The following SYNE2 variants were observed in gnomAD, a reference collection of about 807,000 sequenced individuals.
SYNE2 encodes spectrin repeat containing nuclear envelope protein 2.
SYNE2 carries 431 observed loss-of-function variants against 856.3 expected under a neutral mutation model. The observed-to-expected ratio is 0.50, with a 90% CI of 0.47 to 0.55. The LOEUF (loss-of-function observed/expected upper bound fraction) is 0.55, where lower values mean the gene tolerates loss of function less well. Among genes scored for constraint, SYNE2 ranks in the 20% least tolerant of loss-of-function variants. The probability of loss-of-function intolerance (pLI) is 0.00; values close to 1 mark genes in which losing one functional copy is unlikely to be tolerated. For missense variants in SYNE2, 8,129 were observed against 8,023.2 expected, an observed-to-expected ratio of 1.01 and a Z score of -0.50; for synonymous variants, 2,923 against 2,872.3, an observed-to-expected ratio of 1.02 and a Z score of -0.56.
chr14:64,126,261 G>A, intron 71 of SYNE2, 66 bp from the exon 72 acceptor site: 1 of 1,437,518 alleles, frequency 7.0e-7, no homozygotes, highest in Non-Finnish European at 9.8e-7. Flanking sequence ...TGGAAACTAG[G>A]CAAAATATAG....
intron 1 of SYNE2, among the ~76,000 whole-genome samples, chr14:63,874,193 G>A (rs905363638): frequency 3.3e-5 from 5 of 152,120 alleles, no homozygotes; most frequent in African/African-American, 1.2e-4. Context: ...CTGTCAGAGT[G>A]TTTAACGTGT....
At chr14:64,124,012 C>T (rs2097917875) in intron 70 of SYNE2, among the ~76,000 whole-genome samples, 1 of 151,958 alleles carries the variant, frequency 6.6e-6, no homozygotes, top group Admixed American at 6.6e-5. Flanking sequence ...CAAGACCAGC[C>T]TAGTCAACAT....
Position 64,177,407 on chromosome 14 carries a change from A to C in SYNE2, c.17480A>C (p.Gln5827Pro). The change falls in exon 96 of 116, where the codon CAA (glutamine) becomes CCA (proline). Residue 5827 changes from glutamine (Q) to proline (P), a missense_variant. Gln to Pro is a moderately conservative substitution (Grantham distance 76). This residue lies in a region of SYNE2 where 5,410 missense variants were observed against 5,284.8 expected (regional missense o/e 1.02). Coordinates refer to ENST00000555002, the MANE Select transcript of SYNE2 (RefSeq NM_182914.3). ...KKIKELKSRL[Q>P]VLKAQSEDPL... ...ATCAAGGAGTTGAAAAGCAGGCTGCAAGTTTTAAAGGCACAAAGTGAAGAT... is the reference window on the plus strand; with the variant it reads ...ATCAAGGAGTTGAAAAGCAGGCTGCCAGTTTTAAAGGCACAAAGTGAAGAT... 1 of 1,614,176 alleles carries C rather than the reference A, an allele frequency of 6.2e-7. No homozygotes were observed. The highest frequency in any genetic ancestry group is 8.5e-7 in the Non-Finnish European group (1 of 1,180,018).
At chr14:63,762,595 C>CT (rs869117825) in intron 1 of SYNE2, among the ~76,000 whole-genome samples, 37 of 20,448 alleles carry the variant, frequency 1.8e-3, no homozygotes, top group Non-Finnish European at 3.9e-3. Context: ...TTTTTTCTTT[C>CT]TTTTTTTTTT....
intron 45 of SYNE2, among the ~76,000 whole-genome samples, chr14:64,046,560 C>T (rs976622571): frequency 1.3e-5 from 2 of 152,100 alleles, no homozygotes; most frequent in Non-Finnish European, 2.9e-5. Context: ...ACCGTGTTAC[C>T]CATGGTGAAC....
At chr14:64,078,404 G>C (rs979852159) in intron 54 of SYNE2, 62 bp from the exon 55 acceptor site, 30 of 1,605,054 alleles carry the variant, frequency 1.9e-5, no homozygotes, top group Non-Finnish European at 2.5e-5. Context: ...TTTGTTGTTC[G>C]AACCTATGAA....
At chr14:64,053,730 G>T in intron 48 of SYNE2, 73 bp downstream of exon 48, 5 of 1,479,310 alleles carry the variant, frequency 3.4e-6, no homozygotes, top group Non-Finnish European at 4.6e-6. Flanking sequence ...ATTTTGGGAG[G>T]CCAAGGCTGG....
At position 64,214,385 on chromosome 14, in the gene SYNE2, C is replaced by G. The variant is rs150363140; in HGVS notation, c.19248C>G (p.Pro6416=). The change falls in exon 106 of 116, where the codon CCC becomes CCG. Residue 6416 remains proline, a synonymous_variant. Coordinates refer to ENST00000555002, the MANE Select transcript of SYNE2 (RefSeq NM_182914.3). ...CETPVSVDSI[P]LEWDHTGDVG... The stretch of plus-strand genomic sequence containing the variant: ...CCCCTGTCAGCGTGGACTCCATCCC[C>G]CTGGAGTGGGACCACACAGGCGACG... The G allele has an allele frequency of 1.2e-3, 1,891 of 1,614,114 alleles. 3 individuals carry two copies. Among genetic ancestry groups the G allele is most frequent in the Non-Finnish European group, 1.3e-3 (1,524 of 1,180,028 alleles).
At chr14:64,173,035 G>A (rs1382507516) in intron 94 of SYNE2, among the ~76,000 whole-genome samples, 29 of 152,144 alleles carry the variant, frequency 1.9e-4, no homozygotes, top group Admixed American at 1.9e-3. Context: ...CTTCTTTTCT[G>A]CAATAAGATA....
At chr14:64,057,411 A>T (rs1446177565) in intron 49 of SYNE2, among the ~76,000 whole-genome samples, 1 of 152,070 alleles carries the variant, frequency 6.6e-6, no homozygotes. Context: ...ACTTAACATA[A>T]TGACCTCCAG....
At chr14:64,009,497 C>T (rs944405079) in intron 31 of SYNE2, among the ~76,000 whole-genome samples, 2 of 143,944 alleles carry the variant, frequency 1.4e-5, no homozygotes, top group African/African-American at 2.6e-5. Context: ...GATCACACCA[C>T]TGCACTCTAG....
intron 73 of SYNE2, among the ~76,000 whole-genome samples, chr14:64,127,680 T>G (rs1239408732): frequency 6.6e-6 from 1 of 152,086 alleles, no homozygotes; most frequent in African/African-American, 2.4e-5. Context: ...TCCAGGCAGG[T>G]AGAAGAGTTA....
Position 64,101,921 on chromosome 14 carries a change from T to C in SYNE2, c.12382-11T>C, listed in dbSNP as rs2097733262. 6.2e-7 allele frequency: 1 copy of C among 1,604,208 alleles called. No individual in the cohort carries two copies. Among genetic ancestry groups the C allele is most frequent in the African/African-American group, 1.3e-5 (1 of 74,736 alleles). On this transcript the variant is annotated splice_polypyrimidine_tract_variant and intron_variant, in intron 63 of 115. Transcript: ENST00000555002. ...CTCTTCCCTTTGCTAACCAATCGTT[T>C]ACTGTGATAGAATGGAGATGAGAAG...
chr14:63,848,271 T>G (rs978662863), upstream of SYNE2: 2 of 152,228 alleles, frequency 1.3e-5, no homozygotes, highest in Non-Finnish European at 2.9e-5. Context: ...TAAAGGCTTA[T>G]CAAGTGAAGC....
chr14:63,838,743 A>C (rs1303654500), intron 1 of SYNE2, among the ~76,000 whole-genome samples: 1 of 152,120 alleles, frequency 6.6e-6, no homozygotes, highest in Admixed American at 6.6e-5. Flanking sequence ...TCCTGGGCTC[A>C]AGTGATCCTC....
intron 1 of SYNE2, among the ~76,000 whole-genome samples, chr14:63,886,938 A>G (rs568181941): frequency 1.0e-3 from 157 of 152,220 alleles, no homozygotes; most frequent in Admixed American, 2.7e-3. Context: ...GGGATTATAG[A>G]TGTGAGCCAC....
chr14:64,015,525 T>C (rs893778533), intron 32 of SYNE2, among the ~76,000 whole-genome samples: 1 of 152,132 alleles, frequency 6.6e-6, no homozygotes, highest in African/African-American at 2.4e-5. Flanking sequence ...CTGTAGTGTC[T>C]GTAGTGGTAT....
Position 63,941,752 on chromosome 14 carries a change from C to T in SYNE2, c.199C>T (p.Leu67Phe), listed in dbSNP as rs954752155. The change falls in exon 4 of 116, where the codon CTC becomes TTC. Residue 67 changes from leucine (L) to phenylalanine (F), a missense_variant. By Grantham distance (22) the Leu-to-Phe change is conservative (BLOSUM62 0). This residue lies in a region of SYNE2 where 2,422 missense variants were observed against 2,357.4 expected (regional missense o/e 1.03). Coordinates refer to ENST00000555002, the MANE Select transcript of SYNE2 (RefSeq NM_182914.3). ...CACAGACATTAAAAAGGGGCATGTC[C>T]TCCTGGATCTGCTAGAAGTACTTTC... is the stretch of plus-strand genomic sequence containing the variant. ...LFTDIKKGHV[L>F]LDLLEVLSGQ... The T allele has an allele frequency of 1.9e-5, 30 of 1,613,942 alleles. No homozygotes were observed. The highest frequency in any genetic ancestry group is 2.5e-5 in the Non-Finnish European group (30 of 1,180,000).
At chr14:64,177,517 A>T (rs2098440501) in intron 96 of SYNE2, 34 bp downstream of exon 96, 1 of 1,614,100 alleles carries the variant, frequency 6.2e-7, no homozygotes, top group Non-Finnish European at 8.5e-7. Flanking sequence ...CAAGATAATC[A>T]CTTAGCTGTT....
Sources: gnomAD v4.1 joint callset for allele counts (sites outside exome capture counted in the v4.1 genomes callset) on GRCh38, gnomAD v4.1.1 for gene constraint, gnomAD v4.1.1 regional missense constraint, MANE v1.5 for transcripts, NCBI Gene and HGNC (gene_info 2026-07-23, HGNC 2026-07-21) for gene names.